The following TDRP variants were observed in gnomAD, a reference collection of about 807,000 sequenced individuals.
The protein encoded by TDRP is testis development-related protein.
In TDRP, 12 loss-of-function variants were observed where a neutral mutation model predicts 10.5. The ratio of observed to expected loss-of-function variants is 1.15; its 90% CI spans 0.73 to 1.86. TDRP has a LOEUF of 1.86. Ranked by LOEUF, TDRP falls within the 40% of genes most tolerant of loss-of-function variation. TDRP has a pLI of 0.00. For synonymous variants in TDRP, 139 were observed against 95.4 expected (o/e 1.46, Z -2.67); for missense variants, 353 against 229.2 (o/e 1.54, Z -3.49).
In TDRP at chr8:507,700, C is replaced by T. The variant is rs544652790; in HGVS notation, c.109-13103G>A. Among the ~76,000 whole-genome samples, 4 of 152,220 alleles carry T rather than the reference C, an allele frequency of 2.6e-5. No homozygotes were observed. In the East Asian group the frequency reaches 7.7e-4, roughly 29 times the overall value. ...TTCTCTAAAATAATCCAGCCAATCA[C>T]TAAGCAAATAAAGAGGCAAATAACA... On this transcript the variant is annotated intron_variant, in intron 1 of 2. Coordinates refer to ENST00000324079, the MANE Select transcript of TDRP (RefSeq NM_001384899.1).
intron 1 of TDRP, among the ~76,000 whole-genome samples, chr8:507,909 T>G (rs1463852543): frequency 6.6e-6 from 1 of 152,082 alleles, no homozygotes; most frequent in Non-Finnish European, 1.5e-5. Context: ...CTATTTAACT[T>G]AAAGTTAAAA....
intron 1 of TDRP, among the ~76,000 whole-genome samples, chr8:508,596 C>A (rs1012656102): frequency 2.0e-5 from 3 of 152,166 alleles, no homozygotes; most frequent in African/African-American, 4.8e-5. Flanking sequence ...CCCCCAGGAT[C>A]CAATCACCTC....
chr8:535,583 G>C (rs1286849363), intron 1 of TDRP, among the ~76,000 whole-genome samples: 6 of 151,972 alleles, frequency 3.9e-5, no homozygotes, highest in Non-Finnish European at 7.4e-5. Context: ...CTAAGACAAG[G>C]CTGATGAGCC....
chr8:506,516 C>G (rs1018785411), intron 1 of TDRP, among the ~76,000 whole-genome samples: 1 of 152,198 alleles, frequency 6.6e-6, no homozygotes, highest in African/African-American at 2.4e-5. Flanking sequence ...TGTTCCAGCC[C>G]CACTCCCGGG....
chr8:518,056 C>CAG (rs1801803870), intron 1 of TDRP, among the ~76,000 whole-genome samples: 2 of 152,208 alleles, frequency 1.3e-5, no homozygotes, highest in South Asian at 4.1e-4. Context: ...CCACCGTACA[C>CAG]TCATCCAGAC....
intron 1 of TDRP, among the ~76,000 whole-genome samples, chr8:544,184 G>A (rs1366426635): frequency 2.0e-5 from 3 of 152,128 alleles, no homozygotes; most frequent in African/African-American, 7.2e-5. Flanking sequence ...TAGTGTCCGC[G>A]AGGAGGCCGT....
chr8:521,413 T>A (rs1801902528), intron 1 of TDRP, among the ~76,000 whole-genome samples: 1 of 128,434 alleles, frequency 7.8e-6, no homozygotes, highest in Admixed American at 8.3e-5. Context: ...AGAGATGCCG[T>A]CCCAAAAAAC....
At chr8:538,822 C>T (rs1395536925) in intron 1 of TDRP, among the ~76,000 whole-genome samples, 1 of 152,136 alleles carries the variant, frequency 6.6e-6, no homozygotes, top group Admixed American at 6.6e-5. Context: ...TGCAACTTTT[C>T]CCCCCATCAG....
intron 1 of TDRP, among the ~76,000 whole-genome samples, chr8:515,681 T>A (rs1801739547): frequency 6.6e-6 from 1 of 152,200 alleles, no homozygotes; most frequent in South Asian, 2.1e-4. Context: ...CATTACTACT[T>A]ACTGACAATT....
At chr8:530,399 T>C (rs1007958121) in intron 1 of TDRP, among the ~76,000 whole-genome samples, 5 of 152,180 alleles carry the variant, frequency 3.3e-5, no homozygotes, top group Non-Finnish European at 5.9e-5. Flanking sequence ...TGGGCCATAT[T>C]TCTCTGTTTC....
intron 2 of TDRP, among the ~76,000 whole-genome samples, chr8:493,643 T>C (rs1801043599): frequency 6.6e-6 from 1 of 152,240 alleles, no homozygotes; most frequent in South Asian, 2.1e-4. Flanking sequence ...ATTTTCAACT[T>C]TACACTTTTT....
intron 1 of TDRP, among the ~76,000 whole-genome samples, chr8:523,432 A>G (rs1801957420): frequency 6.6e-6 from 1 of 152,136 alleles, no homozygotes; most frequent in Non-Finnish European, 1.5e-5. Flanking sequence ...TCACCTTTAT[A>G]AGAACTAAAA....
chr8:501,152 G>T (rs183367842), intron 1 of TDRP, among the ~76,000 whole-genome samples: 1 of 151,726 alleles, frequency 6.6e-6, no homozygotes, highest in Non-Finnish European at 1.5e-5. Context: ...CTTGCAGTGA[G>T]CTGAGATCGC....
intron 1 of TDRP, among the ~76,000 whole-genome samples, chr8:533,813 C>T (rs891134859): frequency 6.6e-6 from 1 of 152,128 alleles, no homozygotes; most frequent in African/African-American, 2.4e-5. Flanking sequence ...CAGATGTACA[C>T]CGGTTCTCTT....
intron 1 of TDRP, among the ~76,000 whole-genome samples, chr8:508,852 T>C (rs537664641): frequency 6.6e-6 from 1 of 152,318 alleles, no homozygotes; most frequent in South Asian, 2.1e-4. Context: ...CTTTTGCCTA[T>C]AAGCCTGTAA....
intron 1 of TDRP, among the ~76,000 whole-genome samples, chr8:516,953 A>G (rs2116806372): frequency 6.6e-6 from 1 of 152,346 alleles, no homozygotes. Context: ...AAGCCATGAA[A>G]AGACATGAAG....
At chr8:513,752 T>A (rs6985445) in intron 1 of TDRP, among the ~76,000 whole-genome samples, 93,864 of 152,082 alleles carry the variant, frequency 0.62, 29,158 homozygotes, top group Admixed American at 0.67. Context: ...AAATATGAAG[T>A]AGTCCACTAA....
intron 1 of TDRP, among the ~76,000 whole-genome samples, chr8:537,470 CTTCT>C (rs981569769): frequency 1.3e-5 from 2 of 152,174 alleles, no homozygotes; most frequent in Admixed American, 1.3e-4. Flanking sequence ...CCTCCTTTTT[CTTCT>C]TTTAGTGTGT....
intron 1 of TDRP, among the ~76,000 whole-genome samples, chr8:518,795 T>C (rs1801822519): frequency 6.6e-6 from 1 of 152,044 alleles, no homozygotes; most frequent in African/African-American, 2.4e-5. Flanking sequence ...TTTACATAAA[T>C]ATCTTAATAG....
Sources: allele counts gnomAD v4.1 joint callset (sites outside exome capture counted in the v4.1 genomes callset), GRCh38; gene constraint gnomAD v4.1.1; transcripts MANE v1.5; gene names NCBI Gene and HGNC (gene_info 2026-07-23, HGNC 2026-07-21).